Variants in MSRB1 observed in about 807,000 individuals in gnomAD.
MSRB1 encodes the protein methionine-R-sulfoxide reductase B1.
MSRB1 carries 13 observed loss-of-function variants against 15.2 expected under a neutral mutation model. The observed-to-expected ratio is 0.86, with a 90% CI of 0.56 to 1.36. The LOEUF (loss-of-function observed/expected upper bound fraction) is 1.36, where lower values mean the gene tolerates loss of function less well. Among genes scored for constraint, MSRB1 ranks in the 40% most tolerant of loss-of-function variants. The pLI is 0.00. For missense variants in MSRB1, 174 were observed against 155.9 expected (o/e 1.12, Z -0.62); for synonymous variants, 68 against 64.5 (o/e 1.05, Z -0.26).
At chr16:1,939,223 G>A in intron 3 of MSRB1, 80 bp from the exon 4 acceptor site, 1 of 1,470,962 alleles carries the variant, frequency 6.8e-7, no homozygotes, top group South Asian at 1.3e-5. Flanking sequence ...GGGGGCGGTG[G>A]AAAGCCAGGG....
chr16:1,940,985 C>A (rs1157061428), intron 2 of MSRB1, 93 bp from the exon 3 acceptor site: 2 of 1,583,718 alleles, frequency 1.3e-6, no homozygotes. Context: ...TGTTTCTTCC[C>A]ACACGCCTAT....
Position 1,941,509 on chromosome 16 carries a change from C to T in MSRB1, c.56-104G>A, listed in dbSNP as rs1041563467. On this transcript the variant is annotated intron_variant, in intron 1 of 3. Coordinates refer to ENST00000361871, the MANE Select transcript of MSRB1 (RefSeq NM_016332.4). Reference sequence around the variant, plus strand: ...GGCAAAGACAGCGCTGCCCCCGTTCCGAGGGTAGGCTGTGCTCCTTCCCCA... The same window carrying T: ...GGCAAAGACAGCGCTGCCCCCGTTCTGAGGGTAGGCTGTGCTCCTTCCCCA... 6.9e-6 allele frequency: 10 copies of T among 1,442,762 alleles called. No individual in the cohort carries two copies. The East Asian group carries it at 1.5e-4, about 22-fold the overall frequency. The allele number at this position is 1,442,762 out of a possible 1,614,324, so 89.4% of individuals were successfully genotyped here.
chr16:1,942,255 G>A (rs1387796070), intron 1 of MSRB1, among the ~76,000 whole-genome samples: 1 of 152,356 alleles, frequency 6.6e-6, no homozygotes. Flanking sequence ...TAAAGCCAGA[G>A]AGTCTTGCTG....
intron 3 of MSRB1, among the ~76,000 whole-genome samples, chr16:1,940,272 G>GAAA (rs1242813427): frequency 1.6e-5 from 2 of 124,026 alleles, no homozygotes; most frequent in South Asian, 5.0e-4. Flanking sequence ...CTCCATCTCA[G>GAAA]AAAAAAAAAA....
In MSRB1 at chr16:1,938,359, GCA is replaced by G. The variant is rs2083052143; in HGVS notation, c.*751_*752del. The G allele has an allele frequency of 6.6e-6, 1 of 152,342 alleles. No individual in the cohort carries two copies. Among genetic ancestry groups the G allele is most frequent in the Non-Finnish European group, 1.5e-5 (1 of 68,114 alleles). The allele number at this position is 152,342 out of a possible 1,614,324, so 9.4% of individuals were successfully genotyped here. On this transcript the variant is annotated 3_prime_UTR_variant, in exon 4 of 4. Coordinates refer to ENST00000361871, the MANE Select transcript of MSRB1 (RefSeq NM_016332.4). ...CAGGCCTCCGAGCATGTACAGTAAG[GCA>G]CAGTCACCACACCTTGGGAAGGGCC...
chr16:1,939,822 T>A (rs932434374), intron 3 of MSRB1, among the ~76,000 whole-genome samples: 1 of 150,832 alleles, frequency 6.6e-6, no homozygotes, highest in African/African-American at 2.4e-5. Context: ...GGCGCGGTAG[T>A]GGGAGCCTGT....
chr16:1,941,288 C>A lies in MSRB1; in HGVS notation c.173G>T (p.Arg58Leu). The A allele has an allele frequency of 1.2e-6, 2 of 1,613,434 alleles. No homozygotes were observed. The highest frequency in any genetic ancestry group is 1.7e-6 in the Non-Finnish European group (2 of 1,179,964). ...GGCTTCAGATCTATTGTGCTCCGGA[C>A]GCTTGGCCACGCTGTCGGCGTGAAT... Reference protein sequence around the residue: ...ETIHADSVAKRPEHNRSEALK... With the variant: ...ETIHADSVAKLPEHNRSEALK... Residue 58 changes from arginine to leucine, a missense_variant, in exon 2 of 4, where the codon CGT becomes CTT. Physicochemically the swap from Arg to Leu is moderately radical, Grantham distance 102. Transcript: ENST00000361871.
At position 1,943,034 on chromosome 16, in the gene MSRB1, C is replaced by A; in HGVS notation, c.55+68G>T. On this transcript the variant is annotated intron_variant, in intron 1 of 3. Coordinates refer to ENST00000361871, the MANE Select transcript of MSRB1 (RefSeq NM_016332.4). ...TGGGAGAGACATCACCCCCGGACGACGGCGGCGCCCCCGCTAATGCGCGCC... is the reference window on the plus strand; with the variant it reads ...TGGGAGAGACATCACCCCCGGACGAAGGCGGCGCCCCCGCTAATGCGCGCC... 3 of 1,539,578 alleles carry A rather than the reference C, an allele frequency of 1.9e-6. 1 individual carries two copies. In the South Asian group the frequency reaches 3.6e-5, roughly 18 times the overall value.
At position 1,941,532 on chromosome 16, in the gene MSRB1, C is replaced by T. The variant is rs2083077495; in HGVS notation, c.56-127G>A. ...TCCGAGGGTAGGCTGTGCTCCTTCC[C>T]CAGGCACCCGCCACGGGAGGCGCTG... On this transcript the variant is annotated intron_variant, in intron 1 of 3. Coordinates refer to ENST00000361871, the MANE Select transcript of MSRB1 (RefSeq NM_016332.4). The T allele has an allele frequency of 4.5e-6, 6 of 1,334,078 alleles. No homozygotes were observed. The East Asian group carries it at 1.3e-4, about 28-fold the overall frequency. 82.6% of individuals were successfully genotyped at this position (1,334,078 alleles called of 1,614,324 possible).
chr16:1,940,953 C>T (rs2083072481), intron 2 of MSRB1, 61 bp from the exon 3 acceptor site: 1 of 1,609,540 alleles, frequency 6.2e-7, no homozygotes, highest in Non-Finnish European at 8.5e-7. Context: ...CAGTGAAGGC[C>T]CTTACTGGGG....
chr16:1,939,459 C>T (rs552782726), intron 3 of MSRB1, among the ~76,000 whole-genome samples: 1 of 152,228 alleles, frequency 6.6e-6, no homozygotes, highest in Non-Finnish European at 1.5e-5. Flanking sequence ...GAAAACATCG[C>T]AGGTTTACCA....
In MSRB1 at chr16:1,939,012, T is replaced by G; in HGVS notation, c.*100A>C. The G allele has an allele frequency of 6.8e-7, 1 of 1,463,350 alleles. No homozygotes were observed. The highest frequency in any genetic ancestry group is 2.4e-5 in the East Asian group (1 of 42,442). The allele number at this position is 1,463,350 out of a possible 1,614,324, so 90.6% of individuals were successfully genotyped here. On this transcript the variant is annotated 3_prime_UTR_variant, in exon 4 of 4. Transcript: ENST00000361871. ...TCCTGATGTTTCAACCACTGCGCCC[T>G]GCCTTCCTGTCTCGACGCCCAGGGT...
chr16:1,941,748 C>G, intron 1 of MSRB1: 1 of 268,798 alleles, frequency 3.7e-6, no homozygotes, highest in Non-Finnish European at 7.2e-6. Flanking sequence ...GGACACGGAG[C>G]TCCCCCTCGC....
intron 1 of MSRB1, chr16:1,941,738 G>A: frequency 3.4e-6 from 1 of 291,962 alleles, no homozygotes; most frequent in Non-Finnish European, 6.5e-6. Context: ...AGTCCAATGA[G>A]GACACGGAGC....
Position 1,943,166 on chromosome 16 carries a change from G to T in MSRB1, c.-10C>A, listed in dbSNP as rs1268579507. 1.5e-5 allele frequency: 23 copies of T among 1,556,970 alleles called. No homozygotes were observed. The highest frequency in any genetic ancestry group is 1.8e-5 in the Non-Finnish European group (21 of 1,150,522). ...AGCTGCAGAACGACATGGCGCCACC[G>T]GAACCGCAGCGCGCTTGCCGCTGCC... is the stretch of plus-strand genomic sequence containing the variant. On this transcript the variant is annotated 5_prime_UTR_variant, in exon 1 of 4. Coordinates refer to ENST00000361871, the MANE Select transcript of MSRB1 (RefSeq NM_016332.4).
rs1383658961 is a variant in MSRB1, at chr16:1,939,160, G to A, written c.320-17C>T. ...TTTCTTTGCCTGAAAGAGAGGAGAGGGGGCGGAAAGTATGCGGGGACAGAA... is the reference window on the plus strand; with the variant it reads ...TTTCTTTGCCTGAAAGAGAGGAGAGAGGGCGGAAAGTATGCGGGGACAGAA... On this transcript the variant is annotated splice_polypyrimidine_tract_variant and intron_variant, in intron 3 of 3. Transcript: ENST00000361871. The A allele has an allele frequency of 3.1e-6, 5 of 1,598,738 alleles. No individual in the cohort carries two copies. The highest frequency in any genetic ancestry group is 2.7e-5 in the African/African-American group (2 of 73,666).
rs2083071251 is a variant in MSRB1, at chr16:1,940,776, A to C, written c.319+2T>G. ...GGCCCCAGCTGTGCAAAGCAAGCTC[A>C]CCTTTAGGGACAAACTTCAGCGAGC... is the stretch of plus-strand genomic sequence containing the variant. On this transcript the variant is annotated splice_donor_variant, in intron 3 of 3. Transcript: ENST00000361871. LOFTEE classifies it high-confidence loss of function. 2.5e-6 allele frequency: 4 copies of C among 1,610,916 alleles called. No homozygotes were observed. Among genetic ancestry groups the C allele is most frequent in the Non-Finnish European group, 3.4e-6 (4 of 1,177,584 alleles).
Position 1,940,840 on chromosome 16 carries a change from C to T in MSRB1, c.257G>A (p.Gly86Asp). 1 of 1,614,170 alleles carries T rather than the reference C, an allele frequency of 6.2e-7. No individual in the cohort carries two copies. Among genetic ancestry groups the T allele is most frequent in the Non-Finnish European group, 8.5e-7 (1 of 1,180,054 alleles). ...NGLGHEFLND[G>D]PKPGQSRFUI... ...GAATCGGGACTGCCCCGGCTTGGGGCCGTCGTTCAGGAACTCGTGGCCCAA... is the reference window on the plus strand; with the variant it reads ...GAATCGGGACTGCCCCGGCTTGGGGTCGTCGTTCAGGAACTCGTGGCCCAA... Residue 86 changes from glycine (G) to aspartate (D), a missense_variant, in exon 3 of 4, where the codon GGC becomes GAC. Coordinates refer to ENST00000361871, the MANE Select transcript of MSRB1 (RefSeq NM_016332.4).
At chr16:1,943,016 G>T in intron 1 of MSRB1, 86 bp downstream of exon 1, 4 of 1,520,050 alleles carry the variant, frequency 2.6e-6, no homozygotes, top group Non-Finnish European at 3.6e-6. Flanking sequence ...GCTTGGGAGA[G>T]ACATCACCCC....
Sources: allele counts gnomAD v4.1 joint callset (sites outside exome capture counted in the v4.1 genomes callset), GRCh38; gene constraint gnomAD v4.1.1; transcripts MANE v1.5; gene names NCBI Gene and HGNC (gene_info 2026-07-23, HGNC 2026-07-21).